Variants in UNC13A observed in about 807,000 individuals in gnomAD.
UNC13A encodes the protein unc-13 homolog A.
A neutral mutation model predicts 219.7 loss-of-function variants in UNC13A; 61 were observed. The observed-to-expected ratio is 0.28, with a 90% CI of 0.23 to 0.34. The LOEUF is 0.34. Ranked by LOEUF, UNC13A falls within the 10% of genes least tolerant of loss-of-function variation. The probability of loss-of-function intolerance (pLI) is 1.00; values close to 1 mark genes in which losing one functional copy is unlikely to be tolerated. For missense variants in UNC13A, 1,476 were observed against 2,270.3 expected, an observed-to-expected ratio of 0.65 and a Z score of 7.11; for synonymous variants, 920 against 884.6, an observed-to-expected ratio of 1.04 and a Z score of -0.71.
chr19:17,671,401 C>T (rs903001652), intron 4 of UNC13A, among the ~76,000 whole-genome samples: 1 of 151,988 alleles, frequency 6.6e-6, no homozygotes, highest in Non-Finnish European at 1.5e-5. Flanking sequence ...GCTAATAAGG[C>T]CTTCCTGGGG....
intron 38 of UNC13A, 153 bp from the exon 39 acceptor site, chr19:17,619,115 G>T: frequency 1.4e-6 from 1 of 692,152 alleles, no homozygotes; most frequent in Non-Finnish European, 2.5e-6. Context: ...GAAGAACTGA[G>T]GAGGATGTGG....
intron 43 of UNC13A, 127 bp from the exon 44 acceptor site, chr19:17,606,481 T>C: frequency 7.7e-7 from 1 of 1,292,400 alleles, no homozygotes; most frequent in Non-Finnish European, 1.0e-6. Flanking sequence ...CCTCCCACGC[T>C]ACGCTAGCCC....
chr19:17,634,212 C>G (rs549225604), intron 26 of UNC13A, among the ~76,000 whole-genome samples: 1 of 152,082 alleles, frequency 6.6e-6, no homozygotes, highest in Non-Finnish European at 1.5e-5. Context: ...ATCCACCCAC[C>G]CATTAAATGA....
At chr19:17,685,924 G>A (rs543658060) in intron 1 of UNC13A, among the ~76,000 whole-genome samples, 14 of 151,918 alleles carry the variant, frequency 9.2e-5, no homozygotes, top group Non-Finnish European at 1.3e-4. Flanking sequence ...CATCTCTCGT[G>A]CTCAGCCATC....
rs144832982 is a variant in UNC13A at position 17,684,842 on chromosome 19, G to A, written c.22+3336C>T. Among the ~76,000 whole-genome samples, 847 of 152,348 alleles carry A rather than the reference G, an allele frequency of 5.6e-3. 9 individuals are homozygous for A. The highest frequency in any genetic ancestry group is 0.02 in the African/African-American group (817 of 41,566). On this transcript the variant is annotated intron_variant, in intron 1 of 43. Transcript: ENST00000519716. ...CTGCACATGTGTGTCTAGGAGTGGG[G>A]TGTCACTACATCAGAGACACACTGG... is the stretch of plus-strand genomic sequence containing the variant.
chr19:17,687,302 C>A (rs73011751), intron 1 of UNC13A, among the ~76,000 whole-genome samples: 32,788 of 150,846 alleles, frequency 0.22, 4,174 homozygotes, highest in Middle Eastern at 0.36. Flanking sequence ...CAAAATAGCT[C>A]CCCCCCCACC....
At chr19:17,655,432 G>T (rs772277505) in intron 10 of UNC13A, 50 bp from the exon 11 acceptor site, 17 of 1,415,696 alleles carry the variant, frequency 1.2e-5, no homozygotes, top group African/African-American at 1.4e-5. Context: ...CGTGACCCCT[G>T]AACTTCCCTT....
intron 1 of UNC13A, among the ~76,000 whole-genome samples, chr19:17,681,807 AGGCTCCCTCCTGGAGTGGCC>A (rs1323501082): frequency 1.3e-5 from 2 of 152,118 alleles, no homozygotes; most frequent in Non-Finnish European, 2.9e-5. Context: ...TCAACGAACT[AGGCTCCCTCCTGGAGTGGCC>A]CTGGGGGACC....
intron 31 of UNC13A, chr19:17,628,349 C>A: frequency 4.5e-6 from 1 of 221,360 alleles, no homozygotes; most frequent in Non-Finnish European, 9.1e-6. Context: ...CGAGACCCCC[C>A]CCACAGATAC....
intron 7 of UNC13A, among the ~76,000 whole-genome samples, chr19:17,666,035 CATCAAGCCCAAGTCTCAGAACT>C (rs2145890779): frequency 1.7e-5 from 1 of 58,560 alleles, no homozygotes; most frequent in African/African-American, 7.3e-5. Context: ...TCTTGTCTTT[CATCAAGCCCAAGTCTCAGAACT>C]CTTCTCTTTC....
chr19:17,658,386 T>C, intron 8 of UNC13A, 117 bp from the exon 9 acceptor site: 2 of 957,018 alleles, frequency 2.1e-6, no homozygotes, highest in Non-Finnish European at 3.2e-6. Flanking sequence ...TTTTTACTAG[T>C]ATGGATAAAG....
intron 40 of UNC13A, 112 bp downstream of exon 40, chr19:17,618,309 G>A: frequency 1.7e-6 from 2 of 1,156,354 alleles, no homozygotes; most frequent in South Asian, 1.4e-5. Context: ...ACGAGGGAGT[G>A]TCCATAAATT....
At chr19:17,635,922 A>C in intron 26 of UNC13A, 102 bp downstream of exon 26, 1 of 1,414,656 alleles carries the variant, frequency 7.1e-7, no homozygotes, top group Non-Finnish European at 9.6e-7. Context: ...CCAGGTGCAC[A>C]TTTGTGTAAT....
chr19:17,615,903 G>A (rs925674749), intron 41 of UNC13A, among the ~76,000 whole-genome samples: 2 of 151,980 alleles, frequency 1.3e-5, no homozygotes, highest in African/African-American at 2.4e-5. Flanking sequence ...GAGCACAGGA[G>A]GGAGGCTGCA....
At chr19:17,686,225 C>T (rs796427117) in intron 1 of UNC13A, among the ~76,000 whole-genome samples, 12 of 137,872 alleles carry the variant, frequency 8.7e-5, no homozygotes, top group African/African-American at 3.6e-4. Context: ...CCTCTTGCCT[C>T]CTGCTGCCCC....
At chr19:17,681,814 C>T (rs983584608) in intron 1 of UNC13A, among the ~76,000 whole-genome samples, 1 of 152,206 alleles carries the variant, frequency 6.6e-6, no homozygotes, top group Non-Finnish European at 1.5e-5. Flanking sequence ...ACTAGGCTCC[C>T]TCCTGGAGTG....
intron 25 of UNC13A, among the ~76,000 whole-genome samples, chr19:17,636,942 C>T (rs1055770493): frequency 6.6e-6 from 1 of 151,788 alleles, no homozygotes; most frequent in African/African-American, 2.4e-5. Context: ...CAATAAAACT[C>T]AATGCAATCA....
Position 17,627,715 on chromosome 19 carries a change from G to C in UNC13A, c.3832-118C>G. 8.0e-7 allele frequency: 1 copy of C among 1,246,924 alleles called. No individual in the cohort carries two copies. The highest frequency in any genetic ancestry group is 1.1e-6 in the Non-Finnish European group (1 of 881,494). The allele number at this position is 1,246,924 out of a possible 1,614,324, so 77.2% of individuals were successfully genotyped here. A position where few individuals can be genotyped will look rare whatever the true frequency, so the allele number is the denominator to read the frequency against. On this transcript the variant is annotated intron_variant, in intron 32 of 43. Transcript: ENST00000519716. This position sits in a 1 kb window ranked among gnomAD's most constrained non-coding sequence, Gnocchi z 4.7. ...GGGCTGCAGGGGAAACTGAGGCACA[G>C]ACCGTTATGCTGCAAGCCTGGGTTT...
At chr19:17,606,438 G>A in intron 43 of UNC13A, 84 bp from the exon 44 acceptor site, 6 of 1,490,344 alleles carry the variant, frequency 4.0e-6, no homozygotes, top group Non-Finnish European at 5.4e-6. Flanking sequence ...GCATTTGCGG[G>A]CCACGCCCAC....
Sources: gnomAD v4.1 joint callset for allele counts (sites outside exome capture counted in the v4.1 genomes callset) on GRCh38, gnomAD v4.1.1 for gene constraint, Gnocchi (gnomAD v3.1) non-coding constraint, MANE v1.5 for transcripts, NCBI Gene and HGNC (gene_info 2026-07-23, HGNC 2026-07-21) for gene names.